The following RAI14 variants were observed in gnomAD, a reference collection of about 807,000 sequenced individuals.
RAI14 encodes the protein ankycorbin.
In RAI14, 45 loss-of-function variants were observed where a neutral mutation model predicts 115.4. The observed-to-expected ratio is 0.39, with a 90% CI of 0.31 to 0.50. The LOEUF (loss-of-function observed/expected upper bound fraction) is 0.50, where lower values mean the gene tolerates loss of function less well. RAI14 is among the 20% of genes least tolerant of loss of function. RAI14 has a pLI of 0.85. For missense variants in RAI14, 939 were observed against 1,131.2 expected (o/e 0.83, Z 2.44); for synonymous variants, 371 against 415.4 (o/e 0.89, Z 1.30).
At chr5:34,750,916 G>A (rs1384697967) in intron 2 of RAI14, among the ~76,000 whole-genome samples, 3 of 126,934 alleles carry the variant, frequency 2.4e-5, no homozygotes, top group South Asian at 2.6e-4. Context: ...GCAATGGTGC[G>A]ATCTCAGCTC....
At chr5:34,777,779 A>G (rs1397455832) in intron 3 of RAI14, among the ~76,000 whole-genome samples, 1 of 152,104 alleles carries the variant, frequency 6.6e-6, no homozygotes, top group Non-Finnish European at 1.5e-5. Flanking sequence ...ACTCCGTCTC[A>G]AAAAAACAAA....
intron 4 of RAI14, among the ~76,000 whole-genome samples, chr5:34,799,579 T>G (rs569861482): frequency 6.6e-6 from 1 of 152,158 alleles, no homozygotes; most frequent in East Asian, 1.9e-4. Flanking sequence ...GCTCTTTTTA[T>G]TCTTTTTATC....
intron 2 of RAI14, among the ~76,000 whole-genome samples, chr5:34,723,760 A>G (rs914323074): frequency 2.0e-5 from 3 of 152,206 alleles, no homozygotes; most frequent in Admixed American, 1.3e-4. Flanking sequence ...ATTTGAATCA[A>G]CCTTTTGTTT....
chr5:34,742,351 T>C lies in RAI14; in HGVS notation c.37-15117T>C, dbSNP rs977634496. 5.9e-5 allele frequency among the ~76,000 whole-genome samples: 9 copies of C among 152,338 alleles called. No individual in the cohort carries two copies. In the South Asian group the frequency reaches 1.5e-3, roughly 25 times the overall value. On this transcript the variant is annotated intron_variant, in intron 2 of 17. Transcript: ENST00000265109. ...TTTTAATAAATACAGGCGTGGTTAA[T>C]ATCAAGCCAGTGTGTCATCTTCATT...
At chr5:34,796,637 T>A (rs1753571329) in intron 4 of RAI14, among the ~76,000 whole-genome samples, 1 of 152,124 alleles carries the variant, frequency 6.6e-6, no homozygotes, top group South Asian at 2.1e-4. Flanking sequence ...TTTTTATGAA[T>A]CATTGTGTGA....
At position 34,656,786 on chromosome 5, in the gene RAI14, G is replaced by C. The variant is rs1398866738; in HGVS notation, c.-49+311G>C. 2.6e-5 allele frequency: 4 copies of C among 153,424 alleles called. No individual in the cohort carries two copies. The East Asian group carries it at 7.8e-4, about 30-fold the overall frequency. 9.5% of individuals were successfully genotyped at this position (153,424 alleles called of 1,614,324 possible). A position where few individuals can be genotyped will look rare whatever the true frequency, so the allele number is the denominator to read the frequency against. On this transcript the variant is annotated intron_variant, in intron 1 of 17. Coordinates refer to ENST00000265109, the MANE Select transcript of RAI14 (RefSeq NM_015577.3). ...CGCGACTCGCAGGCCGGCTGGGGCGGGGCGCGGGGCAGGGGCCGCGGCGGA... is the reference window on the plus strand; with the variant it reads ...CGCGACTCGCAGGCCGGCTGGGGCGCGGCGCGGGGCAGGGGCCGCGGCGGA...
intron 1 of RAI14, among the ~76,000 whole-genome samples, chr5:34,665,155 G>A (rs13170799): frequency 0.013 from 243 of 19,130 alleles, 75 homozygotes; most frequent in South Asian, 0.088. Context: ...ATATATATGT[G>A]TGTGTATATA....
In RAI14 at chr5:34,709,494, T is replaced by G. The variant is rs140004619; in HGVS notation, c.36+22539T>G. On this transcript the variant is annotated intron_variant, in intron 2 of 17. Transcript: ENST00000265109. ...TTTTTAAAGTAAACTTTCAAAAGTC[T>G]GTAGCTACTTTGTGTCAATTCTGCA... 6.2e-4 allele frequency among the ~76,000 whole-genome samples: 95 copies of G among 152,310 alleles called. No homozygotes were observed. In the East Asian group the frequency reaches 0.018, roughly 28 times the overall value.
chr5:34,807,973 T>C (rs1755127663), intron 6 of RAI14, 116 bp downstream of exon 6: 1 of 825,758 alleles, frequency 1.2e-6, no homozygotes, highest in Admixed American at 2.0e-5. Context: ...CTGTCATCAT[T>C]TCTAAACATT....
At chr5:34,677,192 TTTCACTC>T (rs1454849797) in intron 1 of RAI14, among the ~76,000 whole-genome samples, 2 of 67,400 alleles carry the variant, frequency 3.0e-5, no homozygotes, top group Non-Finnish European at 5.7e-5. Flanking sequence ...TGAGACACAG[TTTCACTC>T]TGTCACGCAG....
intron 2 of RAI14, among the ~76,000 whole-genome samples, chr5:34,730,298 T>TAAAA (rs1218015397): frequency 6.6e-6 from 1 of 152,230 alleles, no homozygotes; most frequent in Non-Finnish European, 1.5e-5. Flanking sequence ...ATCACTTTCC[T>TAAAA]AAAAATAACC....
chr5:34,832,418 T>TG lies in RAI14; in HGVS notation c.*1654dup, dbSNP rs1758080095. The TG allele has an allele frequency of 6.6e-6, 1 of 152,656 alleles. No individual in the cohort carries two copies. The highest frequency in any genetic ancestry group is 1.9e-4 in the East Asian group (1 of 5,198). The allele number at this position is 152,656 out of a possible 1,614,324, so 9.5% of individuals were successfully genotyped here. On this transcript the variant is annotated 3_prime_UTR_variant, in exon 18 of 18. Transcript: ENST00000265109. ...AGCCCCTTCTGCCCCCGCACAGAAA[T>TG]GCTGCAGAGTATATAAAACTTGAGA... is the stretch of plus-strand genomic sequence containing the variant.
At chr5:34,697,801 A>G (rs1739452813) in intron 2 of RAI14, among the ~76,000 whole-genome samples, 1 of 152,200 alleles carries the variant, frequency 6.6e-6, no homozygotes, top group Admixed American at 6.5e-5. Context: ...TCTTCATTAT[A>G]TTGATTAGTT....
chr5:34,829,649 G>T, intron 16 of RAI14, 83 bp from the exon 17 acceptor site: 2 of 1,177,466 alleles, frequency 1.7e-6, no homozygotes, highest in Non-Finnish European at 2.4e-6. Flanking sequence ...GTAGCATTTG[G>T]CTGCAGCTTT....
chr5:34,664,929 C>T (rs1742990231), intron 1 of RAI14, among the ~76,000 whole-genome samples: 1 of 146,316 alleles, frequency 6.8e-6, no homozygotes, highest in Admixed American at 7.1e-5. Flanking sequence ...CAATCTCATC[C>T]AGGTCACTGT....
intron 10 of RAI14, among the ~76,000 whole-genome samples, chr5:34,812,775 T>G (rs1755756950): frequency 6.6e-6 from 1 of 152,270 alleles, no homozygotes; most frequent in African/African-American, 2.4e-5. Context: ...TACTAACTCA[T>G]ACTTCCTATT....
At position 34,811,938 on chromosome 5, in the gene RAI14, G is replaced by C; in HGVS notation, c.729G>C (p.Gln243His). The C allele has an allele frequency of 6.2e-7, 1 of 1,608,132 alleles. No individual in the cohort carries two copies. Among genetic ancestry groups the C allele is most frequent in the Non-Finnish European group, 8.5e-7 (1 of 1,177,538 alleles). The change falls in exon 9 of 18, where the codon CAG (glutamine) becomes CAC (histidine). Residue 243 changes from glutamine (Q) to histidine (H), a missense_variant. Physicochemically the swap from Gln to His is conservative, Grantham distance 24. Coordinates refer to ENST00000265109, the MANE Select transcript of RAI14 (RefSeq NM_015577.3). The stretch of plus-strand genomic sequence containing the variant: ...GCCTTCTATTATCAAAAATCTCTCA[G>C]GATGCTGGTATGTAAAAGAAAATAG... ...IQSLLLSKIS[Q>H]DADLKTPTKP...
At chr5:34,761,852 G>T (rs908001742) in intron 3 of RAI14, among the ~76,000 whole-genome samples, 2 of 151,648 alleles carry the variant, frequency 1.3e-5, no homozygotes, top group African/African-American at 4.8e-5. Context: ...TGATTTGAAC[G>T]CTTGGCCTCA....
chr5:34,826,189 A>T, intron 15 of RAI14, 141 bp from the exon 16 acceptor site: 2 of 652,116 alleles, frequency 3.1e-6, no homozygotes, highest in Non-Finnish European at 2.3e-6. Context: ...TTTTTAATTT[A>T]AATGTATTAA....
Sources: allele counts gnomAD v4.1 joint callset (sites outside exome capture counted in the v4.1 genomes callset), GRCh38; gene constraint gnomAD v4.1.1; transcripts MANE v1.5; gene names NCBI Gene and HGNC (gene_info 2026-07-23, HGNC 2026-07-21).